SPOCK1: variants seen among roughly 807,000 people sequenced by gnomAD.
SPOCK1 encodes testican-1.
A neutral mutation model predicts 55.3 loss-of-function variants in SPOCK1; 23 were observed. That is an observed-to-expected ratio of 0.42 (90% CI 0.30 to 0.59). The LOEUF (loss-of-function observed/expected upper bound fraction) is 0.59. Among genes scored for constraint, SPOCK1 ranks in the 20% least tolerant of loss-of-function variants. SPOCK1 has a pLI of 0.22. For missense variants in SPOCK1, 499 were observed against 552.5 expected, an observed-to-expected ratio of 0.90 and a Z score of 0.97; for synonymous variants, 226 against 221.0, an observed-to-expected ratio of 1.02 and a Z score of -0.20.
At chr5:137,246,696 A>G (rs943773656) in intron 3 of SPOCK1, among the ~76,000 whole-genome samples, 1 of 152,148 alleles carries the variant, frequency 6.6e-6, no homozygotes, top group Non-Finnish European at 1.5e-5. Context: ...GCCATGAATG[A>G]CCACTCCCAC....
At chr5:137,068,929 C>T (rs542704681) in intron 5 of SPOCK1, among the ~76,000 whole-genome samples, 2 of 152,308 alleles carry the variant, frequency 1.3e-5, no homozygotes, top group East Asian at 3.9e-4. Context: ...GGACCACATG[C>T]ATATCTGGTG....
intron 2 of SPOCK1, among the ~76,000 whole-genome samples, chr5:137,373,082 G>A (rs1159825165): frequency 6.6e-6 from 1 of 152,154 alleles, no homozygotes; most frequent in Non-Finnish European, 1.5e-5. Flanking sequence ...GCAGCAGGAA[G>A]TCCCTCACCA....
chr5:137,305,219 T>A (rs962353821), intron 2 of SPOCK1, among the ~76,000 whole-genome samples: 1 of 152,208 alleles, frequency 6.6e-6, no homozygotes, highest in Non-Finnish European at 1.5e-5. Context: ...CTCATGCTTA[T>A]CCCATGATAA....
intron 3 of SPOCK1, among the ~76,000 whole-genome samples, chr5:137,185,227 G>A (rs1755045295): frequency 6.6e-6 from 1 of 152,188 alleles, no homozygotes; most frequent in Admixed American, 6.5e-5. Flanking sequence ...TGGGTGGCCA[G>A]AGACTTTTTT....
chr5:137,317,027 C>T (rs1305725675), intron 2 of SPOCK1, among the ~76,000 whole-genome samples: 1 of 152,146 alleles, frequency 6.6e-6, no homozygotes, highest in Non-Finnish European at 1.5e-5. Flanking sequence ...AATGGCCACT[C>T]AGCTAGGAAG....
intron 6 of SPOCK1, among the ~76,000 whole-genome samples, chr5:137,000,374 A>T (rs1438838001): frequency 6.6e-6 from 1 of 152,168 alleles, no homozygotes; most frequent in Non-Finnish European, 1.5e-5. Context: ...TCAAGCAAAC[A>T]CAAGGGTGCC....
chr5:137,392,820 C>G (rs1751755411), intron 2 of SPOCK1, among the ~76,000 whole-genome samples: 1 of 152,198 alleles, frequency 6.6e-6, no homozygotes, highest in South Asian at 2.1e-4. Context: ...TATTCCAATA[C>G]ATAGTGACTT....
intron 2 of SPOCK1, among the ~76,000 whole-genome samples, chr5:137,407,321 G>A (rs964077346): frequency 2.6e-5 from 4 of 152,182 alleles, no homozygotes; most frequent in Non-Finnish European, 4.4e-5. Context: ...CAGCTGGGGA[G>A]AAACTTGGGA....
At chr5:137,412,503 C>A (rs1239874138) in intron 2 of SPOCK1, among the ~76,000 whole-genome samples, 1 of 152,190 alleles carries the variant, frequency 6.6e-6, no homozygotes, top group East Asian at 1.9e-4. Flanking sequence ...TAGCTGTCCA[C>A]TTTGGTTTAG....
intron 2 of SPOCK1, among the ~76,000 whole-genome samples, chr5:137,393,957 T>C (rs1751784858): frequency 6.6e-6 from 1 of 152,158 alleles, no homozygotes; most frequent in East Asian, 1.9e-4. Context: ...TTTTTTTCAA[T>C]AAGTATTTTC....
chr5:137,423,548 T>C (rs538308811), intron 2 of SPOCK1, among the ~76,000 whole-genome samples: 1 of 152,174 alleles, frequency 6.6e-6, no homozygotes, highest in Non-Finnish European at 1.5e-5. Context: ...GTGCTAGCAA[T>C]GAGCGAGGCT....
intron 2 of SPOCK1, among the ~76,000 whole-genome samples, chr5:137,354,236 C>G (rs1461074565): frequency 6.6e-6 from 1 of 152,200 alleles, no homozygotes; most frequent in Non-Finnish European, 1.5e-5. Flanking sequence ...CTTCTCCCTT[C>G]CTAGTCTCCT....
At chr5:137,051,166 A>G (rs911762374) in intron 6 of SPOCK1, among the ~76,000 whole-genome samples, 4 of 152,234 alleles carry the variant, frequency 2.6e-5, no homozygotes, top group African/African-American at 9.6e-5. Context: ...TGAACTGGCT[A>G]TTTAAAACAC....
chr5:136,979,288 G>A (rs751389211), intron 10 of SPOCK1, 44 bp downstream of exon 10: 1 of 1,611,732 alleles, frequency 6.2e-7, no homozygotes. Context: ...GGAACCACAG[G>A]CCACCCAGGT....
intron 5 of SPOCK1, among the ~76,000 whole-genome samples, chr5:137,087,592 G>C (rs957816507): frequency 2.0e-5 from 3 of 152,224 alleles, no homozygotes; most frequent in African/African-American, 7.2e-5. Flanking sequence ...GCATGGCAGG[G>C]AGGGCTGGAG....
At chr5:137,168,266 A>G (rs896385176) in intron 3 of SPOCK1, among the ~76,000 whole-genome samples, 1 of 152,140 alleles carries the variant, frequency 6.6e-6, no homozygotes, top group Non-Finnish European at 1.5e-5. Flanking sequence ...ACTAGGAGAA[A>G]ACATTGGTGG....
At chr5:137,423,541 C>T (rs1360945057) in intron 2 of SPOCK1, among the ~76,000 whole-genome samples, 1 of 152,192 alleles carries the variant, frequency 6.6e-6, no homozygotes, top group Non-Finnish European at 1.5e-5. Flanking sequence ...GACTGCTGTG[C>T]TAGCAATGAG....
intron 6 of SPOCK1, among the ~76,000 whole-genome samples, chr5:137,056,925 T>C (rs1189032616): frequency 6.6e-6 from 1 of 152,114 alleles, no homozygotes; most frequent in Non-Finnish European, 1.5e-5. Flanking sequence ...AAGATCCTTC[T>C]ACATGGTAAA....
intron 2 of SPOCK1, among the ~76,000 whole-genome samples, chr5:137,391,627 T>A (rs1211998873): frequency 6.6e-6 from 1 of 151,942 alleles, no homozygotes; most frequent in Admixed American, 6.6e-5. Context: ...AAACCCCCGA[T>A]TCACTCGGTG....
Sources: gnomAD v4.1 joint callset for allele counts (sites outside exome capture counted in the v4.1 genomes callset) on GRCh38, gnomAD v4.1.1 for gene constraint, MANE v1.5 for transcripts, NCBI Gene and HGNC (gene_info 2026-07-23, HGNC 2026-07-21) for gene names.